RGS7: variants seen among roughly 807,000 people sequenced by gnomAD.
The protein encoded by RGS7 is regulator of G protein signaling 7, also known as regulator of G-protein signaling 7.
Under a neutral mutation model 81.1 loss-of-function variants are expected in RGS7, and 27 were observed. The observed-to-expected ratio is 0.33, with a 90% CI of 0.25 to 0.46. The LOEUF (loss-of-function observed/expected upper bound fraction) is 0.46, where lower values mean the gene tolerates loss of function less well. Ranked by LOEUF, RGS7 falls within the 20% of genes least tolerant of loss-of-function variation. The pLI is 1.00. For missense variants in RGS7, 396 were observed against 607.4 expected (o/e 0.65, Z 3.66); for synonymous variants, 208 against 207.7 (o/e 1.00, Z -0.01).
intron 2 of RGS7, among the ~76,000 whole-genome samples, chr1:241,138,113 G>A (rs2067655099): frequency 2.0e-5 from 3 of 150,084 alleles, no homozygotes; most frequent in Admixed American, 2.0e-4. Context: ...TGGAGGTTGC[G>A]GTAAGTTGAG....
chr1:240,998,365 G>T, intron 3 of RGS7: 1 of 509,014 alleles, frequency 2.0e-6, no homozygotes, highest in Non-Finnish European at 3.5e-6. Flanking sequence ...TGCTATGCTT[G>T]TGATGTTTTT....
At chr1:241,151,324 A>G (rs1170212445) in intron 2 of RGS7, among the ~76,000 whole-genome samples, 1 of 152,066 alleles carries the variant, frequency 6.6e-6, no homozygotes, top group Non-Finnish European at 1.5e-5. Flanking sequence ...GAGGGCAACA[A>G]CCTGTCCCCA....
rs778805410 is a variant in RGS7, at chr1:240,867,880, T to C, written c.609+707A>G. On this transcript the variant is annotated intron_variant, in intron 9 of 18. Coordinates refer to ENST00000440928, the MANE Select transcript of RGS7 (RefSeq NM_001364886.1). ...AGCCAGGCTTGGTGGCACATGCCTGTTGTCCCAGATACTTGGGAGGCTGAG... is the reference window on the plus strand; with the variant it reads ...AGCCAGGCTTGGTGGCACATGCCTGCTGTCCCAGATACTTGGGAGGCTGAG... Among the ~76,000 whole-genome samples the C allele has an allele frequency of 2.6e-5, 4 of 151,656 alleles. No individual in the cohort carries two copies. The South Asian group carries it at 6.2e-4, about 24-fold the overall frequency.
intron 9 of RGS7, among the ~76,000 whole-genome samples, chr1:240,853,744 T>C (rs1387810583): frequency 6.6e-6 from 1 of 151,044 alleles, no homozygotes; most frequent in African/African-American, 2.4e-5. Flanking sequence ...CTACTAAAAA[T>C]ACAAAAAATT....
Position 241,326,114 on chromosome 1 carries a change from C to T in RGS7, c.78+29585G>A, listed in dbSNP as rs548750742. On this transcript the variant is annotated intron_variant, in intron 2 of 18. Transcript: ENST00000440928. The stretch of plus-strand genomic sequence containing the variant: ...TAATACTTTCCAAAGCACTCACATT[C>T]CCCCGCCTAGGATGTGTACTCAAAC... Among the ~76,000 whole-genome samples, 10 of 152,274 alleles carry T rather than the reference C, an allele frequency of 6.6e-5. No homozygotes were observed. The East Asian group carries it at 1.9e-3, about 29-fold the overall frequency.
At chr1:241,009,107 C>T (rs1485762409) in intron 3 of RGS7, among the ~76,000 whole-genome samples, 2 of 152,006 alleles carry the variant, frequency 1.3e-5, no homozygotes, top group African/African-American at 4.8e-5. Flanking sequence ...ATTGTTGGAT[C>T]TTCATTATAG....
chr1:240,805,858 G>A (rs1007087931), intron 15 of RGS7, among the ~76,000 whole-genome samples: 3 of 151,994 alleles, frequency 2.0e-5, no homozygotes, highest in African/African-American at 4.8e-5. Context: ...CTCACTTACT[G>A]GGGGGACAAA....
intron 9 of RGS7, among the ~76,000 whole-genome samples, chr1:240,835,797 TTACGTGCGTATTAC>T (rs1433547146): frequency 6.6e-6 from 1 of 152,168 alleles, no homozygotes; most frequent in Non-Finnish European, 1.5e-5. Context: ...AGGAGGAACC[TTACGTGCGTATTAC>T]TAAGTGAAAG....
intron 4 of RGS7, among the ~76,000 whole-genome samples, chr1:240,965,148 T>C (rs549187997): frequency 3.9e-5 from 6 of 152,352 alleles, no homozygotes; most frequent in East Asian, 1.9e-4. Context: ...TATTCTCATA[T>C]GTTTGCTTCT....
At chr1:241,281,849 T>C (rs1365366173) in intron 2 of RGS7, among the ~76,000 whole-genome samples, 8 of 152,264 alleles carry the variant, frequency 5.3e-5, no homozygotes, top group Non-Finnish European at 1.2e-4. Flanking sequence ...TTGGCAAGAA[T>C]TGACATCGTT....
At chr1:240,813,343 T>A (rs955219337) in intron 13 of RGS7, among the ~76,000 whole-genome samples, 1 of 152,210 alleles carries the variant, frequency 6.6e-6, no homozygotes, top group Admixed American at 6.5e-5. Flanking sequence ...TGAGCTAAAT[T>A]TCAAGAGCTG....
intron 9 of RGS7, among the ~76,000 whole-genome samples, chr1:240,830,701 C>A (rs534866362): frequency 6.6e-6 from 1 of 152,250 alleles, no homozygotes; most frequent in East Asian, 1.9e-4. Context: ...ACTGTATTTT[C>A]TTTATACATC....
chr1:240,889,651 T>C (rs760858256), intron 6 of RGS7, among the ~76,000 whole-genome samples: 4 of 152,214 alleles, frequency 2.6e-5, no homozygotes, highest in Non-Finnish European at 5.9e-5. Context: ...GTGGTAATGA[T>C]ACAATAGGAA....
At chr1:240,822,398 A>C (rs538898599) in intron 10 of RGS7, among the ~76,000 whole-genome samples, 25 of 152,256 alleles carry the variant, frequency 1.6e-4, no homozygotes, top group Admixed American at 6.5e-4. Context: ...GCTCTGTACG[A>C]AAATGAAGAT....
intron 2 of RGS7, among the ~76,000 whole-genome samples, chr1:241,259,096 T>C (rs2077181197): frequency 6.6e-6 from 1 of 151,980 alleles, no homozygotes; most frequent in South Asian, 2.1e-4. Flanking sequence ...TCCCCATACT[T>C]CCAGTTAATA....
At chr1:241,191,409 A>C (rs1048109741) in intron 2 of RGS7, among the ~76,000 whole-genome samples, 5 of 152,248 alleles carry the variant, frequency 3.3e-5, no homozygotes, top group Non-Finnish European at 5.9e-5. Flanking sequence ...ACAATTAAAC[A>C]CATTGACTGA....
chr1:240,918,068 G>A (rs952164218), intron 6 of RGS7, among the ~76,000 whole-genome samples: 1 of 152,164 alleles, frequency 6.6e-6, no homozygotes, highest in African/African-American at 2.4e-5. Context: ...CAACCTTAAT[G>A]TGTATGTGCT....
At chr1:240,808,459 A>G (rs1689268006) in intron 14 of RGS7, among the ~76,000 whole-genome samples, 2 of 152,314 alleles carry the variant, frequency 1.3e-5, no homozygotes, top group Middle Eastern at 6.8e-3. Context: ...TGATTCACCT[A>G]TATTAACTCA....
chr1:240,864,198 C>T (rs1662792961), intron 9 of RGS7, among the ~76,000 whole-genome samples: 1 of 152,014 alleles, frequency 6.6e-6, no homozygotes, highest in Non-Finnish European at 1.5e-5. Flanking sequence ...TATGACTGGC[C>T]TTAGTATAAT....
Sources: gnomAD v4.1 joint callset for allele counts (sites outside exome capture counted in the v4.1 genomes callset) on GRCh38, gnomAD v4.1.1 for gene constraint, MANE v1.5 for transcripts, NCBI Gene and HGNC (gene_info 2026-07-23, HGNC 2026-07-21) for gene names.